AKT3: variants seen among roughly 807,000 people sequenced by gnomAD.
The protein encoded by AKT3 is AKT serine/threonine kinase 3.
AKT3 carries 15 observed loss-of-function variants against 65.3 expected under a neutral mutation model. That is an observed-to-expected ratio of 0.23 (90% CI 0.15 to 0.35). AKT3 has a LOEUF of 0.35. Among genes scored for constraint, AKT3 ranks in the 10% least tolerant of loss-of-function variants. The probability of loss-of-function intolerance (pLI) is 1.00; values close to 1 mark genes in which losing one functional copy is unlikely to be tolerated. For missense variants in AKT3, 243 were observed against 576.5 expected (o/e 0.42, Z 5.92); for synonymous variants, 206 against 183.8 (o/e 1.12, Z -0.98).
At chr1:243,764,711 C>T (rs1026984894) in intron 2 of AKT3, among the ~76,000 whole-genome samples, 4 of 152,020 alleles carry the variant, frequency 2.6e-5, no homozygotes, top group African/African-American at 7.2e-5. Context: ...ATTTAACTGG[C>T]TGCTCAGTCA....
At chr1:243,848,039 A>C (rs1695592111) in intron 1 of AKT3, among the ~76,000 whole-genome samples, 1 of 152,214 alleles carries the variant, frequency 6.6e-6, no homozygotes, top group African/African-American at 2.4e-5. Context: ...AAACGCTGTA[A>C]GAAAACATGC....
intron 2 of AKT3, among the ~76,000 whole-genome samples, chr1:243,713,385 G>C (rs973582829): frequency 1.3e-5 from 2 of 152,116 alleles, no homozygotes; most frequent in Non-Finnish European, 2.9e-5. Flanking sequence ...AGGGAGGGGG[G>C]ATGCAGGAAA....
chr1:243,704,441 T>C (rs1022501779), intron 2 of AKT3, among the ~76,000 whole-genome samples: 4 of 152,178 alleles, frequency 2.6e-5, no homozygotes, highest in Admixed American at 2.0e-4. Context: ...AGTTGACTAA[T>C]TAAAATTTTA....
chr1:243,700,706 G>A (rs1452938608), intron 2 of AKT3, among the ~76,000 whole-genome samples: 1 of 152,092 alleles, frequency 6.6e-6, no homozygotes, highest in African/African-American at 2.4e-5. Flanking sequence ...GTTTCACCAT[G>A]TTGGCCAGGA....
chr1:243,770,003 G>A (rs914173893), intron 2 of AKT3, among the ~76,000 whole-genome samples: 2 of 152,174 alleles, frequency 1.3e-5, no homozygotes, highest in African/African-American at 2.4e-5. Context: ...GAGGTAAGGA[G>A]TCCAAATTCA....
intron 2 of AKT3, among the ~76,000 whole-genome samples, chr1:243,806,396 T>G (rs1295662297): frequency 6.6e-6 from 1 of 152,182 alleles, no homozygotes; most frequent in Admixed American, 6.5e-5. Context: ...GTTCAGAATG[T>G]CAGAAGCATA....
intron 3 of AKT3, among the ~76,000 whole-genome samples, chr1:243,693,625 C>G (rs1684863876): frequency 6.6e-6 from 1 of 151,982 alleles, no homozygotes. Flanking sequence ...ACATAAAGAT[C>G]AGAGTTTCAG....
chr1:243,813,444 C>T (rs937870031), intron 2 of AKT3, among the ~76,000 whole-genome samples: 2 of 150,442 alleles, frequency 1.3e-5, no homozygotes, highest in Non-Finnish European at 2.9e-5. Flanking sequence ...AAAGAGCTTA[C>T]TTGTGTAACC....
chr1:243,661,096 T>C (rs1400404346), intron 4 of AKT3, among the ~76,000 whole-genome samples: 1 of 152,004 alleles, frequency 6.6e-6, no homozygotes, highest in Non-Finnish European at 1.5e-5. Context: ...TGCTCATGGG[T>C]AGGAAGAATC....
At chr1:243,844,468 T>C (rs549316584) in intron 1 of AKT3, among the ~76,000 whole-genome samples, 3 of 152,300 alleles carry the variant, frequency 2.0e-5, no homozygotes, top group African/African-American at 7.2e-5. Context: ...GGCTTTCCTA[T>C]TTACAGTATC....
intron 7 of AKT3, among the ~76,000 whole-genome samples, chr1:243,614,493 A>G (rs1388243890): frequency 6.6e-6 from 1 of 152,146 alleles, no homozygotes; most frequent in Non-Finnish European, 1.5e-5. Flanking sequence ...TAAAAAATCC[A>G]GTTTCTTTCA....
rs1487040730 is a variant in AKT3, at chr1:243,501,854, T to C, written c.*3395A>G. On this transcript the variant is annotated 3_prime_UTR_variant, in exon 14 of 14. Coordinates refer to ENST00000673466, the MANE Select transcript of AKT3 (RefSeq NM_005465.7). ...TATACGTGTAAAAATACTAAGGATG[T>C]ACAGTGTACAAAAACAGTTTCTCCT... 1 of 232,720 alleles carries C rather than the reference T, an allele frequency of 4.3e-6. No homozygotes were observed. Among genetic ancestry groups the C allele is most frequent in the African/African-American group, 2.2e-5 (1 of 45,340 alleles). The allele number at this position is 232,720 out of a possible 1,614,324, so 14.4% of individuals were successfully genotyped here.
intron 2 of AKT3, among the ~76,000 whole-genome samples, chr1:243,697,930 T>C (rs1189182456): frequency 6.6e-6 from 1 of 151,746 alleles, no homozygotes; most frequent in Non-Finnish European, 1.5e-5. Context: ...CGTAGATCAG[T>C]ATCCTCCACA....
chr1:243,597,500 T>C (rs1676704038), intron 8 of AKT3, among the ~76,000 whole-genome samples: 1 of 151,398 alleles, frequency 6.6e-6, no homozygotes, highest in African/African-American at 2.4e-5. Flanking sequence ...TATGCATTTT[T>C]GTTTTGTTTT....
At chr1:243,849,775 C>T (rs1695681827) in intron 1 of AKT3, among the ~76,000 whole-genome samples, 2 of 151,762 alleles carry the variant, frequency 1.3e-5, no homozygotes, top group East Asian at 3.9e-4. Context: ...CGCACCGCCG[C>T]CCCCCAGCTT....
chr1:243,672,456 A>C (rs981601440), intron 3 of AKT3, among the ~76,000 whole-genome samples: 1 of 152,244 alleles, frequency 6.6e-6, no homozygotes, highest in African/African-American at 2.4e-5. Flanking sequence ...AACTCAACAT[A>C]TCTCTCTCCA....
intron 8 of AKT3, among the ~76,000 whole-genome samples, chr1:243,599,912 T>C (rs1234215034): frequency 2.0e-5 from 3 of 152,064 alleles, no homozygotes; most frequent in Non-Finnish European, 4.4e-5. Flanking sequence ...ATCATCTACA[T>C]AGAGAAATCC....
chr1:243,774,468 ACTGT>A (rs1343136877), intron 2 of AKT3, among the ~76,000 whole-genome samples: 1 of 152,142 alleles, frequency 6.6e-6, no homozygotes, highest in African/African-American at 2.4e-5. Context: ...TTAATCAGAG[ACTGT>A]CTCTCTATAA....
chr1:243,628,274 A>C (rs1337467877), intron 6 of AKT3, among the ~76,000 whole-genome samples: 1 of 152,210 alleles, frequency 6.6e-6, no homozygotes, highest in Non-Finnish European at 1.5e-5. Flanking sequence ...GAATGCAAGA[A>C]GACACTTACC....
Sources: gnomAD v4.1 joint callset for allele counts (sites outside exome capture counted in the v4.1 genomes callset) on GRCh38, gnomAD v4.1.1 for gene constraint, MANE v1.5 for transcripts, NCBI Gene and HGNC (gene_info 2026-07-23, HGNC 2026-07-21) for gene names.